Variants in EYS observed in about 807,000 individuals in gnomAD.
EYS encodes EGF-like photoreceptor maintenance factor.
A neutral mutation model predicts 282.1 loss-of-function variants in EYS; 250 were observed. The ratio of observed to expected loss-of-function variants is 0.89; its 90% confidence interval spans 0.80 to 0.98. The LOEUF is 0.98. EYS is among the 50% of genes least tolerant of loss of function. The probability of loss-of-function intolerance (pLI) is 0.00; values close to 1 mark genes in which losing one functional copy is unlikely to be tolerated. For synonymous variants in EYS, 1,355 were observed against 1,282.9 expected (o/e 1.06, Z -1.20); for missense variants, 4,016 against 3,709.0 (o/e 1.08, Z -2.15).
chr6:65,020,513 A>G (rs893067667), intron 13 of EYS, among the ~76,000 whole-genome samples: 6 of 152,150 alleles, frequency 3.9e-5, no homozygotes, highest in Non-Finnish European at 7.4e-5. Context: ...GTGGTTTTGC[A>G]GGGTACGGCT....
chr6:64,886,498 C>T (rs1440160482), intron 19 of EYS, among the ~76,000 whole-genome samples, 199 bp downstream of exon 19: 1 of 151,914 alleles, frequency 6.6e-6, no homozygotes, highest in African/African-American at 2.4e-5. Flanking sequence ...AAAATCTAAT[C>T]TTAGGATTTA....
At chr6:64,478,876 T>C (rs940448952) in intron 26 of EYS, among the ~76,000 whole-genome samples, 1 of 151,652 alleles carries the variant, frequency 6.6e-6, no homozygotes, top group Non-Finnish European at 1.5e-5. Flanking sequence ...AGTAATTTCA[T>C]TGAAATAGTC....
At chr6:65,099,559 C>A (rs1455334611) in intron 12 of EYS, among the ~76,000 whole-genome samples, 2 of 150,448 alleles carry the variant, frequency 1.3e-5, no homozygotes, top group African/African-American at 4.8e-5. Context: ...TGGGGTTAAA[C>A]AACATGGGGA....
chr6:64,299,655 A>C (rs569963944), intron 30 of EYS, among the ~76,000 whole-genome samples: 28 of 152,370 alleles, frequency 1.8e-4, no homozygotes, highest in African/African-American at 6.7e-4. Flanking sequence ...GAAACAGTAC[A>C]TAAAATTATT....
intron 12 of EYS, among the ~76,000 whole-genome samples, chr6:65,271,569 T>G (rs576703857): frequency 3.6e-4 from 54 of 151,960 alleles, no homozygotes; most frequent in Non-Finnish European, 6.2e-4. Context: ...CCCAGTCAAG[T>G]TTTTAATTTT....
At chr6:64,132,654 G>C (rs1166879924) in intron 31 of EYS, among the ~76,000 whole-genome samples, 1 of 151,578 alleles carries the variant, frequency 6.6e-6, no homozygotes, top group Non-Finnish European at 1.5e-5. Flanking sequence ...CCCAGCCTTA[G>C]CCTCTTTATT....
intron 33 of EYS, among the ~76,000 whole-genome samples, chr6:64,034,663 T>A (rs1178315026): frequency 6.6e-6 from 1 of 152,198 alleles, no homozygotes; most frequent in Non-Finnish European, 1.5e-5. Flanking sequence ...GTGATTCCCA[T>A]GTGCGACCAA....
In EYS at chr6:65,490,480, C is replaced by T. The variant is rs186925333; in HGVS notation, c.862+114G>A. 4.3e-3 allele frequency: 3,033 copies of T among 708,446 alleles called. 25 individuals are homozygous for T. Among genetic ancestry groups the T allele is most frequent in the Middle Eastern group, 0.013 (33 of 2,586 alleles). The allele number at this position is 708,446 out of a possible 1,614,324, so 43.9% of individuals were successfully genotyped here. A position where few individuals can be genotyped will look rare whatever the true frequency, so the allele number is the denominator to read the frequency against. ...ACCATAAAAGAGTTCAGTATATATACCTTCTGAAATTGTATTTTTCAATAA... is the reference window on the plus strand; with the variant it reads ...ACCATAAAAGAGTTCAGTATATATATCTTCTGAAATTGTATTTTTCAATAA... On this transcript the variant is annotated intron_variant, in intron 5 of 42. Coordinates refer to ENST00000503581, the MANE Select transcript of EYS (RefSeq NM_001142800.2).
intron 31 of EYS, among the ~76,000 whole-genome samples, chr6:64,211,648 T>C (rs868794050): frequency 1.9e-3 from 276 of 146,770 alleles, no homozygotes; most frequent in African/African-American, 6.0e-3. Flanking sequence ...AAATTTAATT[T>C]TGCTAAAATT....
intron 31 of EYS, among the ~76,000 whole-genome samples, chr6:64,190,202 T>A (rs185294901): frequency 1.2e-3 from 184 of 152,200 alleles, no homozygotes; most frequent in Non-Finnish European, 2.0e-3. Flanking sequence ...AACCCCTCCA[T>A]AGGAAAGCTA....
chr6:64,554,375 G>A (rs912560811), intron 26 of EYS, among the ~76,000 whole-genome samples: 23 of 151,948 alleles, frequency 1.5e-4, no homozygotes, highest in African/African-American at 5.6e-4. Flanking sequence ...GTGTCTCCTG[G>A]GGTGAAGAAA....
Position 63,998,292 on chromosome 6 carries a change from G to A in EYS, c.6834+783C>T, listed in dbSNP as rs79157291. On this transcript the variant is annotated intron_variant, in intron 34 of 42. Coordinates refer to ENST00000503581, the MANE Select transcript of EYS (RefSeq NM_001142800.2). ...AGATAATATTTAAGGCCATAATTTGGAAAATACAATGTGCTTATACAAATG... is the reference window on the plus strand; with the variant it reads ...AGATAATATTTAAGGCCATAATTTGAAAAATACAATGTGCTTATACAAATG... Among the ~76,000 whole-genome samples the A allele has an allele frequency of 7.8e-3, 1,185 of 152,168 alleles. 12 individuals carry two copies. Among genetic ancestry groups the A allele is most frequent in the African/African-American group, 0.027 (1,134 of 41,526 alleles).
intron 33 of EYS, among the ~76,000 whole-genome samples, chr6:64,043,145 AAT>A (rs1433539824): frequency 1.3e-5 from 2 of 152,208 alleles, no homozygotes; most frequent in African/African-American, 4.8e-5. Context: ...ATAGGTACTG[AAT>A]AGACATTTTT....
At chr6:65,486,137 T>C (rs1393199172) in intron 5 of EYS, among the ~76,000 whole-genome samples, 1 of 152,200 alleles carries the variant, frequency 6.6e-6, no homozygotes, top group African/African-American at 2.4e-5. Flanking sequence ...GGTTCACACA[T>C]AGTTCATATT....
intron 22 of EYS, among the ~76,000 whole-genome samples, chr6:64,681,208 T>C (rs937656378): frequency 1.1e-4 from 17 of 152,098 alleles, no homozygotes; most frequent in African/African-American, 4.1e-4. Flanking sequence ...CACCAGAACA[T>C]GACCAAAGAC....
chr6:64,259,850 AAAAAC>A (rs929358259), intron 30 of EYS, among the ~76,000 whole-genome samples: 1 of 78,492 alleles, frequency 1.3e-5, no homozygotes, highest in African/African-American at 4.8e-5. Flanking sequence ...TTGTTTTATC[AAAAAC>A]AAAACTTATT....
intron 11 of EYS, among the ~76,000 whole-genome samples, chr6:65,311,918 A>G (rs1473759782): frequency 1.3e-5 from 2 of 152,220 alleles, no homozygotes; most frequent in Admixed American, 1.3e-4. Context: ...TCCTATGCAT[A>G]AGTATGTAGG....
At chr6:64,148,093 G>T (rs1774580152) in intron 31 of EYS, among the ~76,000 whole-genome samples, 1 of 151,696 alleles carries the variant, frequency 6.6e-6, no homozygotes, top group South Asian at 2.1e-4. Flanking sequence ...TCATATTTTT[G>T]GTATAAAAGT....
chr6:64,192,543 T>C (rs571431445), intron 31 of EYS, among the ~76,000 whole-genome samples: 24 of 152,190 alleles, frequency 1.6e-4, no homozygotes, highest in African/African-American at 5.8e-4. Context: ...TACAACTATC[T>C]GATCTTTGAC....
Sources: allele counts gnomAD v4.1 joint callset (sites outside exome capture counted in the v4.1 genomes callset), GRCh38; gene constraint gnomAD v4.1.1; transcripts MANE v1.5; gene names NCBI Gene and HGNC (gene_info 2026-07-23, HGNC 2026-07-21).